Variants in CAMSAP2 observed in about 807,000 individuals in gnomAD.
CAMSAP2 encodes calmodulin-regulated spectrin-associated protein 2.
In CAMSAP2, 26 loss-of-function variants were observed where a neutral mutation model predicts 146.1. That is an observed-to-expected ratio of 0.18 (90% CI 0.13 to 0.25). The LOEUF is 0.25. Ranked by LOEUF, CAMSAP2 falls within the 10% of genes least tolerant of loss-of-function variation. CAMSAP2 has a pLI of 1.00. For synonymous variants in CAMSAP2, 499 were observed against 596.6 expected (o/e 0.84, Z 2.38); for missense variants, 1,381 against 1,759.3 (o/e 0.78, Z 3.85).
chr1:200,807,678 G>T, intron 3 of CAMSAP2, 141 bp downstream of exon 3: 31 of 318,130 alleles, frequency 9.7e-5, no homozygotes, highest in East Asian at 1.7e-4. Context: ...AAATTTTTTA[G>T]TAAAAAAGCT....
chr1:200,855,563 C>T (rs866441062), intron 14 of CAMSAP2, among the ~76,000 whole-genome samples: 2 of 151,848 alleles, frequency 1.3e-5, no homozygotes, highest in South Asian at 2.1e-4. Flanking sequence ...TGTGTAGCTG[C>T]GAATAAGACA....
chr1:200,856,869 G>A (rs1667763760), intron 15 of CAMSAP2, among the ~76,000 whole-genome samples: 1 of 152,116 alleles, frequency 6.6e-6, no homozygotes, highest in Non-Finnish European at 1.5e-5. Flanking sequence ...TTTAAGGCCT[G>A]GGATTTGACA....
intron 1 of CAMSAP2, among the ~76,000 whole-genome samples, chr1:200,753,722 T>C (rs1664572558): frequency 1.3e-5 from 2 of 152,156 alleles, no homozygotes; most frequent in Admixed American, 6.5e-5. Flanking sequence ...TCTTCCCTCT[T>C]TCGTACTTCC....
Position 200,856,866 on chromosome 1 carries a change from C to T in CAMSAP2, c.4013-440C>T, listed in dbSNP as rs1324529501. ...ACCGCCAGTCTGACAGCCTTTAAGG[C>T]CTGGGATTTGACAGTATTTCCATGT... On this transcript the variant is annotated intron_variant, in intron 15 of 16. Coordinates refer to ENST00000358823, the MANE Select transcript of CAMSAP2 (RefSeq NM_203459.4). Among the ~76,000 whole-genome samples the T allele has an allele frequency of 2.6e-5, 4 of 152,248 alleles. No homozygotes were observed. In the East Asian group the frequency reaches 7.7e-4, roughly 29 times the overall value.
intron 1 of CAMSAP2, among the ~76,000 whole-genome samples, chr1:200,750,741 C>T (rs1206627183): frequency 6.6e-6 from 1 of 151,762 alleles, no homozygotes; most frequent in East Asian, 1.9e-4. Flanking sequence ...TCTCCTGCCT[C>T]AGTCTCGCGA....
At chr1:200,770,918 C>T (rs1026167528) in intron 2 of CAMSAP2, among the ~76,000 whole-genome samples, 1 of 152,078 alleles carries the variant, frequency 6.6e-6, no homozygotes, top group African/African-American at 2.4e-5. Flanking sequence ...AGATCATGAT[C>T]ACATGGCTAG....
intron 2 of CAMSAP2, among the ~76,000 whole-genome samples, chr1:200,765,191 A>G (rs891627800): frequency 6.6e-6 from 1 of 152,056 alleles, no homozygotes; most frequent in Admixed American, 6.6e-5. Flanking sequence ...TAATACTACA[A>G]TCTGCTTATC....
intron 2 of CAMSAP2, among the ~76,000 whole-genome samples, chr1:200,787,313 C>T (rs1321779187): frequency 6.6e-6 from 1 of 152,070 alleles, no homozygotes; most frequent in Non-Finnish European, 1.5e-5. Flanking sequence ...ATTCATGATT[C>T]GTGGGAGGAG....
chr1:200,786,409 A>C (rs2103027043), intron 2 of CAMSAP2, among the ~76,000 whole-genome samples: 1 of 147,092 alleles, frequency 6.8e-6, no homozygotes, highest in Admixed American at 6.8e-5. Flanking sequence ...TTTGAGATGG[A>C]GTCTTGCTCT....
rs747690657 is a variant in CAMSAP2 at position 200,806,763 on chromosome 1, G to GTA, written c.400-612_400-611insAT. On this transcript the variant is annotated intron_variant, in intron 2 of 16. Transcript: ENST00000358823. ...TATAATTGTGTGTGTGTGTGTGTGT[G>GTA]TGTATCTATCTATCTATCTATCTAT... Among the ~76,000 whole-genome samples, 507 of 117,690 alleles carry GTA rather than the reference G, an allele frequency of 4.3e-3. 2 individuals are homozygous for GTA. Among genetic ancestry groups the GTA allele is most frequent in the Middle Eastern group, 0.022 (5 of 232 alleles). The allele number at this position is 117,690 out of a possible 152,430, so 77.2% of individuals were successfully genotyped here.
At chr1:200,780,689 A>T (rs1665405565) in intron 2 of CAMSAP2, among the ~76,000 whole-genome samples, 2 of 152,184 alleles carry the variant, frequency 1.3e-5, no homozygotes, top group Admixed American at 1.3e-4. Context: ...TGACTTCTAG[A>T]TACCTGGTAG....
intron 2 of CAMSAP2, among the ~76,000 whole-genome samples, chr1:200,792,795 G>A (rs1665790101): frequency 6.6e-6 from 1 of 152,190 alleles, no homozygotes; most frequent in South Asian, 2.1e-4. Flanking sequence ...ATGTGACTGG[G>A]AAAGGGCAAC....
intron 2 of CAMSAP2, among the ~76,000 whole-genome samples, chr1:200,801,765 C>T (rs1666041947): frequency 6.6e-6 from 1 of 152,148 alleles, no homozygotes; most frequent in South Asian, 2.1e-4. Flanking sequence ...GATGAGTTAC[C>T]TATAAGCTAA....
At chr1:200,754,677 G>A (rs1475998080) in intron 1 of CAMSAP2, among the ~76,000 whole-genome samples, 1 of 148,906 alleles carries the variant, frequency 6.7e-6, no homozygotes, top group Non-Finnish European at 1.5e-5. Context: ...CTGCCTCCCG[G>A]GTTCATGCCA....
chr1:200,742,107 A>T (rs527845869), intron 1 of CAMSAP2, among the ~76,000 whole-genome samples: 1 of 152,332 alleles, frequency 6.6e-6, no homozygotes, highest in East Asian at 1.9e-4. Flanking sequence ...AGATAAGGTA[A>T]CTGGCTCACA....
chr1:200,798,992 C>G (rs1275060445), intron 2 of CAMSAP2, among the ~76,000 whole-genome samples: 2 of 152,096 alleles, frequency 1.3e-5, no homozygotes, highest in Admixed American at 1.3e-4. Context: ...GTATATTGAA[C>G]CAGCCTTGCA....
intron 2 of CAMSAP2, among the ~76,000 whole-genome samples, chr1:200,806,765 GTATCTATCTATCTATCTATCTATC>G (rs149381434): frequency 1.0e-4 from 14 of 140,226 alleles, no homozygotes; most frequent in South Asian, 7.2e-4. Context: ...GTGTGTGTGT[GTATCTATCTATCTATCTATCTATC>G]TATCTATCTA....
intron 2 of CAMSAP2, among the ~76,000 whole-genome samples, chr1:200,764,656 T>C (rs1003761044): frequency 6.6e-6 from 1 of 152,226 alleles, no homozygotes; most frequent in Non-Finnish European, 1.5e-5. Flanking sequence ...TAAAGAGAAA[T>C]AAGTATCCTG....
intron 2 of CAMSAP2, among the ~76,000 whole-genome samples, chr1:200,761,786 T>C (rs983057857): frequency 6.6e-6 from 1 of 151,626 alleles, no homozygotes; most frequent in Non-Finnish European, 1.5e-5. Context: ...TCTTGGTAAA[T>C]TTCTGCATAT....
Sources: allele counts gnomAD v4.1 joint callset (sites outside exome capture counted in the v4.1 genomes callset), GRCh38; gene constraint gnomAD v4.1.1; transcripts MANE v1.5; gene names NCBI Gene and HGNC (gene_info 2026-07-23, HGNC 2026-07-21).